The following LIN28B variants were observed in gnomAD, a reference collection of about 807,000 sequenced individuals.
The protein encoded by LIN28B is lin-28 RNA binding posttranscriptional regulator B.
Under a neutral mutation model 21.9 loss-of-function variants are expected in LIN28B, and 5 were observed. The observed-to-expected ratio is 0.23, with a 90% CI of 0.12 to 0.48. The LOEUF (loss-of-function observed/expected upper bound fraction) is 0.48, where lower values mean the gene tolerates loss of function less well. Among genes scored for constraint, LIN28B ranks in the 20% least tolerant of loss-of-function variants. LIN28B has a pLI of 0.98. For synonymous variants in LIN28B, 109 were observed against 111.3 expected, an observed-to-expected ratio of 0.98 and a Z score of 0.13; for missense variants, 245 against 310.5, an observed-to-expected ratio of 0.79 and a Z score of 1.58.
intron 3 of LIN28B, among the ~76,000 whole-genome samples, chr6:105,041,403 A>G (rs1461234502): frequency 6.6e-6 from 1 of 151,742 alleles, no homozygotes; most frequent in Non-Finnish European, 1.5e-5. Context: ...TTCTATTTTC[A>G]TAAGTTGGAT....
At chr6:104,993,091 T>A (rs921966763) in intron 2 of LIN28B, among the ~76,000 whole-genome samples, 2 of 152,216 alleles carry the variant, frequency 1.3e-5, no homozygotes, top group South Asian at 2.1e-4. Context: ...ACTGTTTTTT[T>A]ATCTTATTTT....
intron 3 of LIN28B, among the ~76,000 whole-genome samples, chr6:105,070,899 C>A (rs138501556): frequency 6.6e-6 from 1 of 152,064 alleles, no homozygotes; most frequent in African/African-American, 2.4e-5. Flanking sequence ...ATTCATTTGA[C>A]GGAGTCTTGC....
rs536148379 is a variant in LIN28B at position 104,957,981 on chromosome 6, A to T, written c.11-118A>T. 1.8e-3 allele frequency: 990 copies of T among 554,518 alleles called. 7 individuals carry two copies. In the East Asian group the frequency reaches 0.019, roughly 11 times the overall value. 34.3% of individuals were successfully genotyped at this position (554,518 alleles called of 1,614,324 possible). On this transcript the variant is annotated intron_variant, in intron 1 of 3. Transcript: ENST00000345080. ...AAAAGAAATCAAACCATTAAAAAAAATTTTTTTTTTCTGTTACCCTTCCCC... is the reference window on the plus strand; with the variant it reads ...AAAAGAAATCAAACCATTAAAAAAATTTTTTTTTTTCTGTTACCCTTCCCC...
intron 2 of LIN28B, among the ~76,000 whole-genome samples, chr6:104,946,414 TTAGTC>T (rs1778156746): frequency 6.6e-6 from 1 of 152,142 alleles, no homozygotes. Flanking sequence ...GCATTTGAAT[TTAGTC>T]TGTTGACTAA....
At chr6:104,959,511 G>A (rs1769680060) in intron 2 of LIN28B, among the ~76,000 whole-genome samples, 1 of 152,124 alleles carries the variant, frequency 6.6e-6, no homozygotes, top group Non-Finnish European at 1.5e-5. Flanking sequence ...GTTGTCCTGT[G>A]GTGCTTGGTA....
chr6:105,013,553 CA>C (rs915866787), intron 2 of LIN28B, among the ~76,000 whole-genome samples: 13 of 151,674 alleles, frequency 8.6e-5, no homozygotes, highest in African/African-American at 3.1e-4. Flanking sequence ...ACCTGGACAA[CA>C]TGGCAAAACC....
At chr6:105,059,876 C>T (rs952018961) in intron 3 of LIN28B, among the ~76,000 whole-genome samples, 1 of 151,506 alleles carries the variant, frequency 6.6e-6, no homozygotes, top group Non-Finnish European at 1.5e-5. Flanking sequence ...AATATTTTCC[C>T]TTTTCATTTT....
At chr6:104,939,683 G>C (rs1237759461) in intron 2 of LIN28B, 1 of 152,186 alleles carries the variant, frequency 6.6e-6, no homozygotes, top group African/African-American at 2.4e-5. Flanking sequence ...TCAAATGAAA[G>C]TGTTTTCATT....
chr6:105,009,853 G>A (rs1049344073), intron 2 of LIN28B, among the ~76,000 whole-genome samples: 2 of 152,104 alleles, frequency 1.3e-5, no homozygotes, highest in Non-Finnish European at 2.9e-5. Context: ...CAGCTCAGCA[G>A]CCAAGAGTAT....
At chr6:105,040,931 C>T (rs1771619904) in intron 3 of LIN28B, among the ~76,000 whole-genome samples, 1 of 151,702 alleles carries the variant, frequency 6.6e-6, no homozygotes, top group Non-Finnish European at 1.5e-5. Context: ...TTTTTTGAGA[C>T]AAGTTCTCTC....
At chr6:105,000,384 ACTTT>A (rs1192708862) in intron 2 of LIN28B, among the ~76,000 whole-genome samples, 1 of 152,160 alleles carries the variant, frequency 6.6e-6, no homozygotes, top group Non-Finnish European at 1.5e-5. Context: ...GTTGTTTTTT[ACTTT>A]CTGTTTTTCT....
At chr6:104,961,103 A>G (rs1471541649) in intron 2 of LIN28B, among the ~76,000 whole-genome samples, 1 of 152,210 alleles carries the variant, frequency 6.6e-6, no homozygotes, top group Non-Finnish European at 1.5e-5. Context: ...TGTAATTTAA[A>G]TAATCATATT....
intron 3 of LIN28B, among the ~76,000 whole-genome samples, chr6:105,047,722 G>T (rs1487278152): frequency 6.6e-6 from 1 of 152,146 alleles, no homozygotes; most frequent in Non-Finnish European, 1.5e-5. Flanking sequence ...TCTCCTTGAA[G>T]AGGTCCTTCA....
chr6:105,019,458 G>T (rs1489846247), intron 2 of LIN28B, among the ~76,000 whole-genome samples: 1 of 152,150 alleles, frequency 6.6e-6, no homozygotes, highest in East Asian at 1.9e-4. Context: ...TTAGAGAAGG[G>T]CCTCATATTA....
intron 2 of LIN28B, among the ~76,000 whole-genome samples, chr6:105,016,729 C>A (rs1387681654): frequency 1.3e-5 from 2 of 152,066 alleles, no homozygotes; most frequent in Non-Finnish European, 2.9e-5. Context: ...AAATTATGAT[C>A]TTTCCTTTCA....
intron 2 of LIN28B, among the ~76,000 whole-genome samples, chr6:104,978,501 G>A (rs990165249): frequency 6.6e-6 from 1 of 151,358 alleles, no homozygotes; most frequent in Non-Finnish European, 1.5e-5. Context: ...AGGATTGTGA[G>A]GATTAGTGTT....
chr6:105,047,170 A>G (rs550038840), intron 3 of LIN28B, among the ~76,000 whole-genome samples: 8 of 152,174 alleles, frequency 5.3e-5, no homozygotes, highest in African/African-American at 1.9e-4. Flanking sequence ...TTAAGTCTTT[A>G]ATTCATATTG....
intron 3 of LIN28B, among the ~76,000 whole-genome samples, chr6:105,042,103 CTG>C (rs1327440335): frequency 6.6e-6 from 1 of 152,148 alleles, no homozygotes; most frequent in Non-Finnish European, 1.5e-5. Flanking sequence ...TTTGCCCACT[CTG>C]TGCTGGGGAG....
intron 2 of LIN28B, among the ~76,000 whole-genome samples, chr6:104,987,980 G>A (rs1770382058): frequency 6.6e-6 from 1 of 152,136 alleles, no homozygotes; most frequent in African/African-American, 2.4e-5. Context: ...CTGACCTCAA[G>A]TGATCTGCCT....
Sources: allele counts gnomAD v4.1 joint callset (sites outside exome capture counted in the v4.1 genomes callset), GRCh38; gene constraint gnomAD v4.1.1; transcripts MANE v1.5; gene names NCBI Gene and HGNC (gene_info 2026-07-23, HGNC 2026-07-21).